PDE7B: variants seen among roughly 807,000 people sequenced by gnomAD.
The protein encoded by PDE7B is 3',5'-cyclic-AMP phosphodiesterase 7B.
Under a neutral mutation model 56.2 loss-of-function variants are expected in PDE7B, and 29 were observed. The ratio of observed to expected loss-of-function variants is 0.52; its 90% confidence interval spans 0.38 to 0.70. The LOEUF (loss-of-function observed/expected upper bound fraction) is 0.70, where lower values mean the gene tolerates loss of function less well. Ranked by LOEUF, PDE7B falls within the 30% of genes least tolerant of loss-of-function variation. The pLI is 0.00. For missense variants in PDE7B, 490 were observed against 565.0 expected, an observed-to-expected ratio of 0.87 and a Z score of 1.35; for synonymous variants, 197 against 196.9, an observed-to-expected ratio of 1.00 and a Z score of 0.00.
chr6:136,157,988 T>C (rs1035842951), intron 8 of PDE7B, among the ~76,000 whole-genome samples: 1 of 152,218 alleles, frequency 6.6e-6, no homozygotes, highest in Non-Finnish European at 1.5e-5. Context: ...TCAGATTAGT[T>C]GTACAGGACA....
At chr6:136,175,746 C>T (rs1483623814) in intron 9 of PDE7B, among the ~76,000 whole-genome samples, 1 of 152,036 alleles carries the variant, frequency 6.6e-6, no homozygotes, top group African/African-American at 2.4e-5. Flanking sequence ...CAAATGGTTT[C>T]CAATATCCCA....
chr6:136,027,815 T>C (rs1776179921), intron 2 of PDE7B, among the ~76,000 whole-genome samples: 1 of 151,842 alleles, frequency 6.6e-6, no homozygotes, highest in South Asian at 2.1e-4. Flanking sequence ...AGAGATGGGG[T>C]TTCACCATGT....
At chr6:135,889,373 G>T (rs182982042) in intron 1 of PDE7B, among the ~76,000 whole-genome samples, 1 of 150,724 alleles carries the variant, frequency 6.6e-6, no homozygotes, top group African/African-American at 2.4e-5. Flanking sequence ...CAAGTGATCC[G>T]CCTGCCTTGG....
chr6:135,997,413 C>CAAAAAAAAAAAAAAAAAAAAAAAAAAA, intron 2 of PDE7B, among the ~76,000 whole-genome samples: 1 of 10,714 alleles, frequency 9.3e-5, no homozygotes, highest in Non-Finnish European at 2.3e-4. Flanking sequence ...GACCCTGTCT[C>CAAAAAAAAAAAAAAAAAAAAAAAAAAA]AAAAAAAAAA....
At chr6:136,140,672 A>AGAGGTCCTTCACATCCCT (rs1454031008) in intron 3 of PDE7B, among the ~76,000 whole-genome samples, 19 of 152,280 alleles carry the variant, frequency 1.2e-4, no homozygotes, top group African/African-American at 4.3e-4. Context: ...TTCTCCTTGA[A>AGAGGTCCTTCACATCCCT]GAGGTCCTTC....
intron 8 of PDE7B, among the ~76,000 whole-genome samples, chr6:136,166,564 G>C (rs965270170): frequency 3.9e-5 from 6 of 152,250 alleles, no homozygotes; most frequent in Middle Eastern, 3.4e-3. Context: ...AGGAGCAAGA[G>C]AGAGAGTGAG....
At chr6:136,051,500 T>G (rs1431391795) in intron 2 of PDE7B, among the ~76,000 whole-genome samples, 1 of 152,218 alleles carries the variant, frequency 6.6e-6, no homozygotes, top group Non-Finnish European at 1.5e-5. Context: ...AAGCATATCC[T>G]GAAATTGTGA....
chr6:135,871,658 C>T (rs1775382637), intron 1 of PDE7B, among the ~76,000 whole-genome samples: 1 of 152,292 alleles, frequency 6.6e-6, no homozygotes, highest in Non-Finnish European at 1.5e-5. Context: ...TTAGCTTTGA[C>T]AGCTACCTGT....
intron 9 of PDE7B, among the ~76,000 whole-genome samples, chr6:136,176,836 A>C (rs1300039717): frequency 2.0e-5 from 3 of 152,194 alleles, no homozygotes; most frequent in South Asian, 4.1e-4. Flanking sequence ...ATTACTTAGC[A>C]GTTACTTTTA....
At chr6:136,112,087 C>T (rs1777759728) in intron 3 of PDE7B, among the ~76,000 whole-genome samples, 1 of 152,098 alleles carries the variant, frequency 6.6e-6, no homozygotes, top group Non-Finnish European at 1.5e-5. Flanking sequence ...CCCTCCCCCA[C>T]CCACCTCAGT....
At chr6:136,037,485 G>A in intron 2 of PDE7B, 1 of 985,410 alleles carries the variant, frequency 1.0e-6, no homozygotes. Flanking sequence ...ATCAAACTGA[G>A]GCACTGAGGA....
At chr6:135,950,573 C>T (rs73558729) in intron 2 of PDE7B, among the ~76,000 whole-genome samples, 2,096 of 152,226 alleles carry the variant, frequency 0.014, 50 homozygotes, top group African/African-American at 0.048. Context: ...GGGGACCAAC[C>T]TGAGACATCC....
At chr6:135,972,877 T>TA (rs1775117722) in intron 2 of PDE7B, among the ~76,000 whole-genome samples, 1 of 152,192 alleles carries the variant, frequency 6.6e-6, no homozygotes, top group African/African-American at 2.4e-5. Flanking sequence ...AAATACTTTT[T>TA]AAAAAACAAT....
At chr6:136,144,992 G>T (rs1267972454) in intron 3 of PDE7B, among the ~76,000 whole-genome samples, 2 of 151,976 alleles carry the variant, frequency 1.3e-5, no homozygotes, top group Non-Finnish European at 2.9e-5. Context: ...GTCTTCTGTG[G>T]GTAAATGCTT....
intron 1 of PDE7B, among the ~76,000 whole-genome samples, chr6:135,897,346 T>C (rs1438915522): frequency 2.0e-5 from 3 of 150,386 alleles, no homozygotes; most frequent in Non-Finnish European, 2.9e-5. Context: ...CTCAACTAAC[T>C]TTCACATTTT....
At chr6:135,885,854 G>C (rs923606664) in intron 1 of PDE7B, among the ~76,000 whole-genome samples, 2 of 152,168 alleles carry the variant, frequency 1.3e-5, no homozygotes, top group Non-Finnish European at 2.9e-5. Flanking sequence ...AGTCCAATCA[G>C]TTGTTTCTCA....
intron 2 of PDE7B, among the ~76,000 whole-genome samples, chr6:135,958,796 G>A (rs1057376661): frequency 5.9e-5 from 9 of 152,054 alleles, no homozygotes; most frequent in African/African-American, 2.2e-4. Flanking sequence ...CTAGCTGATG[G>A]TATAGAAAGC....
At chr6:135,936,298 A>G (rs1774419163) in intron 1 of PDE7B, among the ~76,000 whole-genome samples, 1 of 152,220 alleles carries the variant, frequency 6.6e-6, no homozygotes, top group Admixed American at 6.5e-5. Flanking sequence ...GGAGATCTGG[A>G]CATCAGATAG....
chr6:135,896,450 G>A (rs1200944371), intron 1 of PDE7B, among the ~76,000 whole-genome samples: 1 of 152,020 alleles, frequency 6.6e-6, no homozygotes, highest in African/African-American at 2.4e-5. Flanking sequence ...AACACCCACG[G>A]CCTTGATCTA....
Sources: allele counts gnomAD v4.1 joint callset (sites outside exome capture counted in the v4.1 genomes callset), GRCh38; gene constraint gnomAD v4.1.1; transcripts MANE v1.5; gene names NCBI Gene and HGNC (gene_info 2026-07-23, HGNC 2026-07-21).